The following UBASH3B variants were observed in gnomAD, a reference collection of about 807,000 sequenced individuals.
The protein encoded by UBASH3B is ubiquitin-associated and SH3 domain-containing protein B.
UBASH3B carries 37 observed loss-of-function variants against 83.4 expected under a neutral mutation model. That is an observed-to-expected ratio of 0.44 (90% CI 0.34 to 0.58). The LOEUF is 0.58. Ranked by LOEUF, UBASH3B falls within the 20% of genes least tolerant of loss-of-function variation. The probability of loss-of-function intolerance (pLI) is 0.01; values close to 1 mark genes in which losing one functional copy is unlikely to be tolerated. For synonymous variants in UBASH3B, 304 were observed against 318.3 expected, an observed-to-expected ratio of 0.96 and a Z score of 0.48; for missense variants, 657 against 827.2, an observed-to-expected ratio of 0.79 and a Z score of 2.52.
chr11:122,699,569 CTTTCTTTT>C (rs1362925012), intron 1 of UBASH3B, among the ~76,000 whole-genome samples: 1 of 129,146 alleles, frequency 7.7e-6, no homozygotes, highest in Non-Finnish European at 1.7e-5. Flanking sequence ...TTCTTTCTTT[CTTTCTTTT>C]CTTTCTTTCC....
chr11:122,780,150 G>A (rs1256185428), intron 4 of UBASH3B, among the ~76,000 whole-genome samples: 1 of 152,110 alleles, frequency 6.6e-6, no homozygotes, highest in East Asian at 1.9e-4. Flanking sequence ...AAGAGTGGAA[G>A]CACTTCGTAT....
At chr11:122,656,395 G>A (rs1451236826) in intron 1 of UBASH3B, among the ~76,000 whole-genome samples, 185 bp downstream of exon 1, 1 of 152,112 alleles carries the variant, frequency 6.6e-6, no homozygotes, top group South Asian at 2.1e-4. Context: ...GGGTGCGGGG[G>A]AAGACGCGGC....
At chr11:122,779,998 C>T (rs1295544403) in intron 4 of UBASH3B, among the ~76,000 whole-genome samples, 1 of 152,154 alleles carries the variant, frequency 6.6e-6, no homozygotes, top group African/African-American at 2.4e-5. Context: ...CTTTGTAGCA[C>T]CACCATCTCC....
At chr11:122,707,862 T>A (rs1455193460) in intron 1 of UBASH3B, among the ~76,000 whole-genome samples, 1 of 152,066 alleles carries the variant, frequency 6.6e-6, no homozygotes, top group East Asian at 1.9e-4. Context: ...ACCCAGCTAA[T>A]TTTTGTATTT....
At chr11:122,704,635 G>A (rs1451756586) in intron 1 of UBASH3B, among the ~76,000 whole-genome samples, 3 of 151,576 alleles carry the variant, frequency 2.0e-5, no homozygotes, top group Non-Finnish European at 4.4e-5. Context: ...TCAGCCTCCC[G>A]AGTAGCTGGG....
At position 122,675,941 on chromosome 11, in the gene UBASH3B, AG is replaced by A. The variant is rs530680773; in HGVS notation, c.161+19733del. ...TAATTTTACTCTTTTCCCAATCCTG[AG>A]GAAAGTAGTAAGCAGTACTTCCATT... is the stretch of plus-strand genomic sequence containing the variant. On this transcript the variant is annotated intron_variant, in intron 1 of 13. Coordinates refer to ENST00000284273, the MANE Select transcript of UBASH3B (RefSeq NM_032873.5). 3.0e-4 allele frequency among the ~76,000 whole-genome samples: 46 copies of A among 152,316 alleles called. 1 individual carries two copies. In the South Asian group the frequency reaches 8.1e-3, roughly 27 times the overall value.
intron 1 of UBASH3B, among the ~76,000 whole-genome samples, chr11:122,753,078 G>A (rs1031521269): frequency 6.6e-6 from 1 of 150,930 alleles, no homozygotes; most frequent in Non-Finnish European, 1.5e-5. Flanking sequence ...TCCTGGTAGC[G>A]CTCAGCCTAG....
rs1260845405 is a variant in UBASH3B, at chr11:122,774,377, T to C, written c.162-1842T>C. The C allele has an allele frequency of 5.5e-6, 5 of 907,898 alleles. No homozygotes were observed. The African/African-American group carries it at 9.0e-5, about 16-fold the overall frequency. The allele number at this position is 907,898 out of a possible 1,614,324, so 56.2% of individuals were successfully genotyped here. On this transcript the variant is annotated intron_variant, in intron 1 of 13. Coordinates refer to ENST00000284273, the MANE Select transcript of UBASH3B (RefSeq NM_032873.5). ...ATAGGGGAAGGGGATAGTCTTTAAC[T>C]TGTCTTTCTGTGGAGCAGAACAACA... is the stretch of plus-strand genomic sequence containing the variant.
rs766395981 is a variant in UBASH3B at position 122,796,926 on chromosome 11, C to T, written c.1250C>T (p.Thr417Ile). 1.2e-6 allele frequency: 2 copies of T among 1,614,058 alleles called. No homozygotes were observed. Among genetic ancestry groups the T allele is most frequent in the East Asian group, 2.2e-5 (1 of 44,894 alleles). ...CFDAKGRYIRTNLNMPHSLPQ... is the reference protein window; with the variant it reads ...CFDAKGRYIRINLNMPHSLPQ... Reference sequence around the variant, plus strand: ...TGTTTTTCAGGCCGCTACATACGCACCAACCTGAACATGCCTCATAGTTTA... The same window carrying T: ...TGTTTTTCAGGCCGCTACATACGCATCAACCTGAACATGCCTCATAGTTTA... Residue 417 changes from threonine (T) to isoleucine (I), a missense_variant, in exon 9 of 14, where the codon ACC becomes ATC. Physicochemically the swap from Thr to Ile is moderately conservative, Grantham distance 89. Transcript: ENST00000284273.
intron 8 of UBASH3B, 94 bp downstream of exon 8, chr11:122,796,370 T>C (rs1861157105): frequency 1.3e-6 from 2 of 1,534,724 alleles, no homozygotes. Context: ...GAGTCATTCA[T>C]AGTTTTGCGT....
At chr11:122,731,478 A>G (rs1263404627) in intron 1 of UBASH3B, among the ~76,000 whole-genome samples, 1 of 152,188 alleles carries the variant, frequency 6.6e-6, no homozygotes, top group Non-Finnish European at 1.5e-5. Flanking sequence ...GGTCATGTGA[A>G]CATAAGCACT....
chr11:122,720,242 A>G (rs189212070), intron 1 of UBASH3B, among the ~76,000 whole-genome samples: 1 of 152,186 alleles, frequency 6.6e-6, no homozygotes, highest in Non-Finnish European at 1.5e-5. Context: ...TCCAAGCAGG[A>G]TAACTCTTTC....
chr11:122,723,100 T>C (rs147570575), intron 1 of UBASH3B, among the ~76,000 whole-genome samples: 172 of 152,244 alleles, frequency 1.1e-3, no homozygotes, highest in Admixed American at 2.7e-3. Context: ...TCCCAGAAAG[T>C]TTCTGAAAAT....
intron 5 of UBASH3B, 142 bp from the exon 6 acceptor site, chr11:122,788,958 A>C: frequency 1.4e-6 from 1 of 695,732 alleles, no homozygotes; most frequent in Non-Finnish European, 2.5e-6. Context: ...ACATCTACTC[A>C]GGGCCTGCAG....
Position 122,806,749 on chromosome 11 carries a change from G to C in UBASH3B, c.1702+233G>C, listed in dbSNP as rs1011734155. 6.6e-6 allele frequency among the ~76,000 whole-genome samples: 1 copy of C among 152,134 alleles called. No homozygotes were observed. Among genetic ancestry groups the C allele is most frequent in the African/African-American group, 2.4e-5 (1 of 41,422 alleles). On this transcript the variant is annotated intron_variant, in intron 12 of 13. Transcript: ENST00000284273. This position sits in a 1 kb window ranked among gnomAD's most constrained non-coding sequence, Gnocchi z 4.0. ...TACTATTCTTAATAACTTAAATTCT[G>C]CGTTATAGCTATTCTTCTTGCACCC...
rs57203901 is a variant in UBASH3B, at chr11:122,690,167, C to CATATATATAT, written c.161+33990_161+33999dup. Among the ~76,000 whole-genome samples, 255 of 43,514 alleles carry CATATATATAT rather than the reference C, an allele frequency of 5.9e-3. 5 individuals carry two copies. Among genetic ancestry groups the CATATATATAT allele is most frequent in the East Asian group, 0.013 (12 of 956 alleles). The allele number at this position is 43,514 out of a possible 152,430, so 28.5% of individuals were successfully genotyped here. On this transcript the variant is annotated intron_variant, in intron 1 of 13. Transcript: ENST00000284273. ...GAGGCCTGCTCCCGAGGCAGGAAAA[C>CATATATATAT]ATATATATATATATATATATATATA... is the stretch of plus-strand genomic sequence containing the variant.
chr11:122,771,549 A>C (rs1186004442), intron 1 of UBASH3B, among the ~76,000 whole-genome samples: 1 of 152,116 alleles, frequency 6.6e-6, no homozygotes, highest in Non-Finnish European at 1.5e-5. Context: ...CCTCTTACTT[A>C]GCTTTTAAGG....
At chr11:122,770,546 CA>C (rs1205049708) in intron 1 of UBASH3B, among the ~76,000 whole-genome samples, 3 of 151,602 alleles carry the variant, frequency 2.0e-5, no homozygotes, top group Non-Finnish European at 4.4e-5. Context: ...ATAGATGGCC[CA>C]AAAGAAGTGT....
At chr11:122,760,781 A>T (rs1211880094) in intron 1 of UBASH3B, among the ~76,000 whole-genome samples, 1 of 152,228 alleles carries the variant, frequency 6.6e-6, no homozygotes, top group East Asian at 1.9e-4. Context: ...AGGAGTCTAA[A>T]CATGTTTTTG....
Sources: allele counts gnomAD v4.1 joint callset (sites outside exome capture counted in the v4.1 genomes callset), GRCh38; gene constraint gnomAD v4.1.1; non-coding constraint Gnocchi (gnomAD v3.1); transcripts MANE v1.5; gene names NCBI Gene and HGNC (gene_info 2026-07-23, HGNC 2026-07-21).